DSCAM: variants seen among roughly 807,000 people sequenced by gnomAD.
DSCAM encodes cell adhesion molecule DSCAM.
A neutral mutation model predicts 217.7 loss-of-function variants in DSCAM; 47 were observed. The observed-to-expected ratio is 0.22, with a 90% CI of 0.17 to 0.28. The LOEUF is 0.28. Among genes scored for constraint, DSCAM ranks in the 10% least tolerant of loss-of-function variants. DSCAM has a pLI of 1.00. For missense variants in DSCAM, 2,080 were observed against 2,618.3 expected (o/e 0.79, Z 4.49); for synonymous variants, 1,056 against 1,015.3 (o/e 1.04, Z -0.76).
intron 1 of DSCAM, among the ~76,000 whole-genome samples, chr21:40,827,660 G>A (rs1167798809): frequency 6.6e-6 from 1 of 152,126 alleles, no homozygotes; most frequent in Non-Finnish European, 1.5e-5. Context: ...ATCGAAGTGT[G>A]TACAGACCAG....
Position 40,020,406 on chromosome 21 carries a change from C to T in DSCAM, c.5687-7020G>A, listed in dbSNP as rs146213004. Among the ~76,000 whole-genome samples, 259 of 152,044 alleles carry T rather than the reference C, an allele frequency of 1.7e-3. 1 individual carries two copies. The highest frequency in any genetic ancestry group is 5.6e-3 in the African/African-American group (234 of 41,444). The stretch of plus-strand genomic sequence containing the variant: ...TCCCTTGTGCTAAAACTTCTATCCA[C>T]GAAATCAAAGGCATAGAAAAGGGGT... On this transcript the variant is annotated intron_variant, in intron 32 of 32. Coordinates refer to ENST00000400454, the MANE Select transcript of DSCAM (RefSeq NM_001389.5).
intron 20 of DSCAM, among the ~76,000 whole-genome samples, chr21:40,118,502 G>A (rs150009374): frequency 9.2e-5 from 14 of 152,240 alleles, no homozygotes; most frequent in South Asian, 4.1e-4. Flanking sequence ...CAGGAGAATC[G>A]TTTGAACCTG....
At chr21:40,809,591 C>G (rs1299764151) in intron 1 of DSCAM, among the ~76,000 whole-genome samples, 1 of 152,200 alleles carries the variant, frequency 6.6e-6, no homozygotes, top group African/African-American at 2.4e-5. Flanking sequence ...GCCTTGTAAA[C>G]TGTCAGCCTA....
chr21:40,670,979 T>G (rs2837776), intron 3 of DSCAM, among the ~76,000 whole-genome samples: 1 of 152,152 alleles, frequency 6.6e-6, no homozygotes, highest in South Asian at 2.1e-4. Context: ...AATATTGTAA[T>G]CAGATTATAA....
chr21:40,098,879 C>G (rs984875453), intron 20 of DSCAM, among the ~76,000 whole-genome samples: 3 of 152,148 alleles, frequency 2.0e-5, no homozygotes, highest in Admixed American at 2.0e-4. Flanking sequence ...CTCCACCCCC[C>G]TCCCACTACA....
chr21:40,266,947 T>C (rs1423368634), intron 11 of DSCAM, among the ~76,000 whole-genome samples: 1 of 150,660 alleles, frequency 6.6e-6, no homozygotes, highest in African/African-American at 2.4e-5. Flanking sequence ...ATAATGCATG[T>C]TCTCATTTAT....
intron 3 of DSCAM, among the ~76,000 whole-genome samples, chr21:40,605,733 T>A (rs1015078519): frequency 3.3e-5 from 5 of 149,480 alleles, no homozygotes; most frequent in Non-Finnish European, 7.4e-5. Flanking sequence ...TGAGCAAAGG[T>A]GAATGGGTTT....
At chr21:40,550,624 G>A (rs1007560081) in intron 3 of DSCAM, among the ~76,000 whole-genome samples, 10 of 152,294 alleles carry the variant, frequency 6.6e-5, no homozygotes, top group Non-Finnish European at 1.2e-4. Context: ...AAGGTATTCC[G>A]AACAAACACA....
intron 1 of DSCAM, among the ~76,000 whole-genome samples, chr21:40,720,964 A>G (rs1441153879): frequency 2.0e-5 from 3 of 152,200 alleles, no homozygotes; most frequent in Non-Finnish European, 2.9e-5. Context: ...GAAAACTACC[A>G]AGGTTGGATT....
chr21:40,662,714 A>G (rs2090151687), intron 3 of DSCAM, among the ~76,000 whole-genome samples: 1 of 152,022 alleles, frequency 6.6e-6, no homozygotes, highest in Non-Finnish European at 1.5e-5. Context: ...CCACAAGACC[A>G]CTCACTTCCT....
intron 15 of DSCAM, among the ~76,000 whole-genome samples, chr21:40,170,401 G>A (rs946169150): frequency 1.3e-5 from 2 of 152,224 alleles, no homozygotes; most frequent in African/African-American, 4.8e-5. Context: ...CTGAAATGCT[G>A]AGCATGCATC....
At chr21:40,267,763 G>A (rs1378202758) in intron 11 of DSCAM, among the ~76,000 whole-genome samples, 1 of 152,138 alleles carries the variant, frequency 6.6e-6, no homozygotes, top group Non-Finnish European at 1.5e-5. Flanking sequence ...GGGCATGGTG[G>A]CAGGTGCCTG....
rs373203692 is a variant in DSCAM at position 40,276,268 on chromosome 21, C to T, written c.2185G>A (p.Ala729Thr). ...ATTGGCTGGAACTGGGGAACCCCAGCACCTGAGACAGAAAAAGAAAGACGA... is the reference window on the plus strand; with the variant it reads ...ATTGGCTGGAACTGGGGAACCCCAGTACCTGAGACAGAAAAAGAAAGACGA... ...PTIVWKFSKGAGVPQFQPIAL... is the reference protein window; with the variant it reads ...PTIVWKFSKGTGVPQFQPIAL... The change falls in exon 11 of 33, where the codon GCT becomes ACT. Residue 729 changes from alanine (A) to threonine (T), a missense_variant and splice_region_variant. Ala to Thr is a moderately conservative substitution (Grantham distance 58, BLOSUM62 0). This residue lies in a region of DSCAM where 218 missense variants were observed against 364.1 expected (regional missense o/e 0.60). Transcript: ENST00000400454. The T allele has an allele frequency of 6.3e-7, 1 of 1,581,778 alleles. No individual in the cohort carries two copies. Among genetic ancestry groups the T allele is most frequent in the African/African-American group, 1.4e-5 (1 of 73,072 alleles).
At chr21:40,579,314 G>A (rs2076884322) in intron 3 of DSCAM, among the ~76,000 whole-genome samples, 1 of 151,472 alleles carries the variant, frequency 6.6e-6, no homozygotes, top group East Asian at 1.9e-4. Flanking sequence ...AGACACAGAA[G>A]AAAAAGAAGC....
intron 28 of DSCAM, among the ~76,000 whole-genome samples, chr21:40,057,793 A>G (rs2089049827): frequency 6.6e-6 from 1 of 151,912 alleles, no homozygotes; most frequent in Non-Finnish European, 1.5e-5. Context: ...TGAGATTCAG[A>G]AGCTAATTGT....
chr21:40,529,136 C>T (rs2076423746), intron 3 of DSCAM, among the ~76,000 whole-genome samples: 1 of 151,946 alleles, frequency 6.6e-6, no homozygotes, highest in Non-Finnish European at 1.5e-5. Flanking sequence ...GATCTCCTGA[C>T]CTCGTGATCC....
intron 11 of DSCAM, among the ~76,000 whole-genome samples, chr21:40,222,729 A>T (rs536467839): frequency 1.3e-4 from 20 of 152,318 alleles, no homozygotes; most frequent in African/African-American, 4.8e-4. Context: ...GTCATTTAAA[A>T]AAATATCTCA....
At chr21:40,680,528 C>G (rs1464679484) in intron 3 of DSCAM, among the ~76,000 whole-genome samples, 1 of 151,592 alleles carries the variant, frequency 6.6e-6, no homozygotes, top group African/African-American at 2.4e-5. Context: ...CCTGAAACCA[C>G]CTCTAAGAGC....
intron 3 of DSCAM, among the ~76,000 whole-genome samples, chr21:40,615,823 C>A (rs917859935): frequency 2.2e-4 from 34 of 151,866 alleles, no homozygotes; most frequent in African/African-American, 8.2e-4. Context: ...CCTGGGTCTT[C>A]GGCTCTATTA....
Sources: allele counts gnomAD v4.1 joint callset (sites outside exome capture counted in the v4.1 genomes callset), GRCh38; gene constraint gnomAD v4.1.1; regional missense constraint gnomAD v4.1.1; transcripts MANE v1.5; gene names NCBI Gene and HGNC (gene_info 2026-07-23, HGNC 2026-07-21).